FBRSL1: variants seen among roughly 807,000 people sequenced by gnomAD.
FBRSL1 encodes fibrosin like 1.
Under a neutral mutation model 89.6 loss-of-function variants are expected in FBRSL1, and 51 were observed. That is an observed-to-expected ratio of 0.57 (90% CI 0.45 to 0.72). The LOEUF (loss-of-function observed/expected upper bound fraction) is 0.72. Ranked by LOEUF, FBRSL1 falls within the 30% of genes least tolerant of loss-of-function variation. The pLI is 0.00. For synonymous variants in FBRSL1, 779 were observed against 681.1 expected (o/e 1.14, Z -2.24); for missense variants, 1,618 against 1,451.8 (o/e 1.11, Z -1.86).
chr12:132,570,970 ACGGC>A (rs2039972729), intron 8 of FBRSL1, 94 bp from the exon 9 acceptor site: 1 of 816,086 alleles, frequency 1.2e-6, no homozygotes, highest in Non-Finnish European at 1.5e-6. Context: ...CAGGCTGGGG[ACGGC>A]CCCGTGTCCC....
intron 2 of FBRSL1, chr12:132,511,810 G>T: frequency 1.0e-6 from 1 of 985,280 alleles, no homozygotes; most frequent in East Asian, 1.1e-4. Context: ...TGCAGCATCT[G>T]CTTTGGCCTC....
At chr12:132,582,302 AC>A (rs753298286) in intron 18 of FBRSL1, 36 bp downstream of exon 18, 2 of 1,485,352 alleles carry the variant, frequency 1.3e-6, no homozygotes, top group Admixed American at 4.1e-5. Context: ...CCCACCACAC[AC>A]CCCTACCCCG....
chr12:132,574,168 A>G lies in FBRSL1; in HGVS notation c.1599+10A>G. The G allele has an allele frequency of 7.0e-7, 1 of 1,422,952 alleles. No individual in the cohort carries two copies. Among genetic ancestry groups the G allele is most frequent in the Non-Finnish European group, 9.1e-7 (1 of 1,093,376 alleles). The allele number at this position is 1,422,952 out of a possible 1,614,324, so 88.1% of individuals were successfully genotyped here. A position where few individuals can be genotyped will look rare whatever the true frequency, so the allele number is the denominator to read the frequency against. On this transcript the variant is annotated intron_variant, in intron 12 of 18. Coordinates refer to ENST00000680143, the MANE Select transcript of FBRSL1 (RefSeq NM_001367871.1). ...GCAGAAAGCGCCTGGGGTAGGTGTT[A>G]GTGGGCGCCCGTCCCCACCCCGGGG...
At chr12:132,519,917 A>AC (rs1400062237) in intron 2 of FBRSL1, among the ~76,000 whole-genome samples, 1 of 151,420 alleles carries the variant, frequency 6.6e-6, no homozygotes, top group African/African-American at 2.4e-5. Flanking sequence ...AAAAAAAAAA[A>AC]AGTGGCTACT....
At chr12:132,521,238 G>T (rs1217354491) in intron 2 of FBRSL1, among the ~76,000 whole-genome samples, 4 of 152,234 alleles carry the variant, frequency 2.6e-5, no homozygotes, top group African/African-American at 9.6e-5. Flanking sequence ...GCGAGGAGGA[G>T]GGAGCGCAGG....
chr12:132,571,501 A>C, intron 9 of FBRSL1: 2 of 1,520,400 alleles, frequency 1.3e-6, no homozygotes, highest in South Asian at 1.3e-5. Context: ...GCTGCCCCCG[A>C]CGCCGCCCGC....
At chr12:132,557,358 G>A (rs75618090) in intron 5 of FBRSL1, among the ~76,000 whole-genome samples, 3,238 of 152,240 alleles carry the variant, frequency 0.021, 102 homozygotes, top group African/African-American at 0.071. Context: ...TTCCCACTCC[G>A]CTTCCTTCTA....
At chr12:132,539,249 T>G (rs983799802) in intron 4 of FBRSL1, among the ~76,000 whole-genome samples, 33 of 151,764 alleles carry the variant, frequency 2.2e-4, no homozygotes, top group Non-Finnish European at 4.4e-5. Flanking sequence ...AGGATCAGGG[T>G]CAGAGAGGGA....
chr12:132,572,167 G>T, intron 9 of FBRSL1, 121 bp from the exon 10 acceptor site: 2 of 875,416 alleles, frequency 2.3e-6, no homozygotes, highest in Non-Finnish European at 3.5e-6. Flanking sequence ...GGCCGAAGCC[G>T]CCAGCCTCAG....
intron 14 of FBRSL1, 110 bp from the exon 15 acceptor site, chr12:132,576,689 C>T (rs2040323862): frequency 1.6e-6 from 2 of 1,253,298 alleles, no homozygotes; most frequent in Middle Eastern, 2.0e-4. Flanking sequence ...CCCACCTGCT[C>T]CCCTTACTGG....
chr12:132,568,435 G>T (rs1258996049), intron 6 of FBRSL1, among the ~76,000 whole-genome samples: 2 of 152,268 alleles, frequency 1.3e-5, no homozygotes, highest in African/African-American at 4.8e-5. Context: ...AGATGGGGTG[G>T]TGTCAGAAGG....
At chr12:132,576,175 G>A (rs1056382257) in intron 14 of FBRSL1, among the ~76,000 whole-genome samples, 4 of 142,096 alleles carry the variant, frequency 2.8e-5, no homozygotes, top group Non-Finnish European at 6.2e-5. Flanking sequence ...ACTTGGGCAC[G>A]TGAGCATGCT....
chr12:132,571,092 G>C lies in FBRSL1; in HGVS notation c.1238G>C (p.Ser413Thr). Residue 413 changes from serine to threonine, a missense_variant, in exon 9 of 19, where the codon AGC (serine) becomes ACC (threonine). Transcript: ENST00000680143. ...PADASLAVSFSQPIMYCQPHS... is the reference protein window; with the variant it reads ...PADASLAVSFTQPIMYCQPHS... Reference sequence around the variant, plus strand: ...GATGCCAGCCTGGCGGTCTCATTCAGCCAGCCAATCATGTATTGCCAGCCT... The same window carrying C: ...GATGCCAGCCTGGCGGTCTCATTCACCCAGCCAATCATGTATTGCCAGCCT... The C allele has an allele frequency of 7.4e-7, 1 of 1,356,514 alleles. No individual in the cohort carries two copies. 84.0% of individuals were successfully genotyped at this position (1,356,514 alleles called of 1,614,324 possible).
chr12:132,508,129 T>A (rs2033905582), intron 1 of FBRSL1, 24 bp from the exon 2 acceptor site: 1 of 1,550,222 alleles, frequency 6.5e-7, no homozygotes, highest in Non-Finnish European at 8.7e-7. Context: ...GCCAATTAAC[T>A]GGCGTTTCCC....
At chr12:132,504,462 T>G (rs995948017) in intron 1 of FBRSL1, among the ~76,000 whole-genome samples, 1 of 152,138 alleles carries the variant, frequency 6.6e-6, no homozygotes, top group African/African-American at 2.4e-5. Context: ...CAGGGAGGTC[T>G]GGGGCCCTAG....
rs149569196 is a variant in FBRSL1 at position 132,548,011 on chromosome 12, C to T, written c.624C>T (p.Ser208=). The T allele has an allele frequency of 5.8e-5, 90 of 1,550,098 alleles. No homozygotes were observed. The African/African-American group carries it at 1.1e-3, about 19-fold the overall frequency. Residue 208 remains serine, a synonymous_variant, in exon 5 of 19, where the codon AGC becomes AGT. Coordinates refer to ENST00000680143, the MANE Select transcript of FBRSL1 (RefSeq NM_001367871.1). The stretch of plus-strand genomic sequence containing the variant: ...TCTCTCTGTCCCTGCAGTGTGACAG[C>T]GAGAGCGGCCCGGACGACAAGGTAA... ...AVSGRGYSCD[S]ESGPDDKASV...
At position 132,571,523 on chromosome 12, in the gene FBRSL1, C is replaced by T. The variant is rs555033677; in HGVS notation, c.1377+292C>T. On this transcript the variant is annotated intron_variant, in intron 9 of 18. Transcript: ENST00000680143. ...CCGACGCCGCCCGCCGCACCCCCGCCGGTGCGTAGGCCCGCGTGCTGGCAG... is the reference window on the plus strand; with the variant it reads ...CCGACGCCGCCCGCCGCACCCCCGCTGGTGCGTAGGCCCGCGTGCTGGCAG... The T allele has an allele frequency of 1.4e-4, 209 of 1,531,356 alleles. 1 individual carries two copies. Among genetic ancestry groups the T allele is most frequent in the Non-Finnish European group, 1.8e-4 (199 of 1,136,320 alleles). 94.9% of individuals were successfully genotyped at this position (1,531,356 alleles called of 1,614,324 possible).
chr12:132,582,414 C>T, intron 18 of FBRSL1, 148 bp downstream of exon 18: 2 of 599,368 alleles, frequency 3.3e-6, no homozygotes, highest in South Asian at 3.7e-5. Flanking sequence ...TCCCCTTCCC[C>T]GTTCCCCCTC....
intron 4 of FBRSL1, among the ~76,000 whole-genome samples, chr12:132,538,790 AT>A (rs1230710242): frequency 1.3e-5 from 2 of 152,128 alleles, no homozygotes; most frequent in Non-Finnish European, 2.9e-5. Context: ...CTAAATACTC[AT>A]AAAAACTGAA....
Sources: allele counts gnomAD v4.1 joint callset (sites outside exome capture counted in the v4.1 genomes callset), GRCh38; gene constraint gnomAD v4.1.1; transcripts MANE v1.5; gene names NCBI Gene and HGNC (gene_info 2026-07-23, HGNC 2026-07-21).